The following ADAMTSL1 variants were observed in gnomAD, a reference collection of about 807,000 sequenced individuals.
The protein encoded by ADAMTSL1 is ADAMTS-like protein 1.
Under a neutral mutation model 201.8 loss-of-function variants are expected in ADAMTSL1, and 126 were observed. The observed-to-expected ratio is 0.62, with a 90% CI of 0.54 to 0.72. The LOEUF is 0.72. ADAMTSL1 is among the 30% of genes least tolerant of loss of function. ADAMTSL1 has a pLI of 0.00. For synonymous variants in ADAMTSL1, 1,121 were observed against 903.4 expected (o/e 1.24, Z -4.32); for missense variants, 2,679 against 2,277.8 (o/e 1.18, Z -3.59).
chr9:18,882,187 A>C (rs1828575288), intron 23 of ADAMTSL1, among the ~76,000 whole-genome samples: 1 of 152,218 alleles, frequency 6.6e-6, no homozygotes, highest in African/African-American at 2.4e-5. Context: ...GCAGTTGGGA[A>C]AATGAGGACT....
chr9:18,862,517 C>T (rs1348500722), intron 23 of ADAMTSL1, among the ~76,000 whole-genome samples: 2 of 152,160 alleles, frequency 1.3e-5, no homozygotes. Flanking sequence ...GATTATAGAG[C>T]GCTTCCTTGA....
chr9:18,251,379 G>A (rs1000745791), intron 2 of ADAMTSL1, among the ~76,000 whole-genome samples: 2 of 152,138 alleles, frequency 1.3e-5, no homozygotes, highest in Non-Finnish European at 2.9e-5. Flanking sequence ...CCTGAAAGAA[G>A]CATTTTGATG....
intron 1 of ADAMTSL1, among the ~76,000 whole-genome samples, chr9:17,917,860 G>A (rs1588412595): frequency 1.3e-5 from 2 of 151,850 alleles, no homozygotes; most frequent in Non-Finnish European, 1.5e-5. Flanking sequence ...ATAGATATGG[G>A]GCTATTAGGG....
chr9:17,979,868 T>C (rs2131460076), intron 1 of ADAMTSL1, among the ~76,000 whole-genome samples: 1 of 152,212 alleles, frequency 6.6e-6, no homozygotes, highest in South Asian at 2.1e-4. Context: ...AGTCCTTGGG[T>C]AGGCTAGACT....
chr9:18,548,168 T>C (rs1033947517), intron 3 of ADAMTSL1, among the ~76,000 whole-genome samples: 5 of 151,998 alleles, frequency 3.3e-5, no homozygotes, highest in African/African-American at 1.2e-4. Flanking sequence ...TATGGCACAT[T>C]TGTGGTCATT....
chr9:18,578,533 C>T (rs554910576), intron 4 of ADAMTSL1, among the ~76,000 whole-genome samples: 2 of 152,196 alleles, frequency 1.3e-5, no homozygotes, highest in African/African-American at 4.8e-5. Context: ...AGGTTGGAAT[C>T]TAAGCTCCAC....
At chr9:18,228,842 GTT>G (rs57580462) in intron 2 of ADAMTSL1, among the ~76,000 whole-genome samples, 42 of 139,956 alleles carry the variant, frequency 3.0e-4, no homozygotes, top group African/African-American at 8.1e-4. Flanking sequence ...GAGTTTTTTT[GTT>G]TTTTTTTTTT....
intron 23 of ADAMTSL1, among the ~76,000 whole-genome samples, chr9:18,864,871 G>C (rs563550100): frequency 1.3e-5 from 2 of 152,230 alleles, no homozygotes; most frequent in East Asian, 3.9e-4. Flanking sequence ...CAAATAATGA[G>C]GGGAACCCCC....
At chr9:18,128,605 C>T (rs1042713295) in intron 1 of ADAMTSL1, among the ~76,000 whole-genome samples, 12 of 152,160 alleles carry the variant, frequency 7.9e-5, no homozygotes, top group African/African-American at 2.9e-4. Flanking sequence ...GCCACAGTGC[C>T]TGGCCCGACA....
intron 4 of ADAMTSL1, among the ~76,000 whole-genome samples, chr9:18,580,399 T>A (rs1206273788): frequency 1.3e-5 from 2 of 152,216 alleles, no homozygotes; most frequent in Non-Finnish European, 2.9e-5. Context: ...TAGTATCAAA[T>A]GTCCACCAGT....
At chr9:18,616,689 G>A (rs1190782292) in intron 4 of ADAMTSL1, among the ~76,000 whole-genome samples, 7 of 152,104 alleles carry the variant, frequency 4.6e-5, no homozygotes, top group African/African-American at 7.2e-5. Flanking sequence ...ACCACATCTA[G>A]CAACTGTACA....
intron 1 of ADAMTSL1, among the ~76,000 whole-genome samples, chr9:17,965,557 A>G (rs1563922963): frequency 6.6e-6 from 1 of 152,204 alleles, no homozygotes; most frequent in African/African-American, 2.4e-5. Flanking sequence ...TTTATTCATT[A>G]GAGACAAACC....
At position 18,234,340 on chromosome 9, in the gene ADAMTSL1, T is replaced by C. The variant is rs1037219189; in HGVS notation, c.207+70359T>C. Among the ~76,000 whole-genome samples the C allele has an allele frequency of 2.0e-5, 3 of 152,052 alleles. No homozygotes were observed. In the South Asian group the frequency reaches 6.2e-4, roughly 32 times the overall value. ...TTGAAATATCTGGGAGAAATCCAGG[T>C]GGAGATGTCAGAGAGATAGTTGGAT... On this transcript the variant is annotated intron_variant, in intron 2 of 29. Coordinates refer to the ADAMTSL1 transcript ENST00000680146.
intron 2 of ADAMTSL1, among the ~76,000 whole-genome samples, chr9:18,419,068 C>T (rs915455164): frequency 3.3e-5 from 5 of 152,114 alleles, no homozygotes; most frequent in Admixed American, 2.0e-4. Flanking sequence ...GGCAAAGTTG[C>T]GTAGCAACTC....
At chr9:18,848,628 T>G (rs541708360) in intron 23 of ADAMTSL1, among the ~76,000 whole-genome samples, 1 of 152,168 alleles carries the variant, frequency 6.6e-6, no homozygotes, top group South Asian at 2.1e-4. Flanking sequence ...ATGCAGCCTC[T>G]TGGAGCACCC....
chr9:18,252,620 C>T (rs1240183936), intron 2 of ADAMTSL1, among the ~76,000 whole-genome samples: 2 of 152,018 alleles, frequency 1.3e-5, no homozygotes, highest in Admixed American at 1.3e-4. Flanking sequence ...AGTACAAATG[C>T]AATTTTTTTT....
chr9:17,913,820 T>TA (rs200132068), intron 1 of ADAMTSL1, among the ~76,000 whole-genome samples: 148,128 of 152,044 alleles, frequency 0.97, 72,271 homozygotes, highest in East Asian at 1. Context: ...ATAGACGCAA[T>TA]AAAAATGATA....
At chr9:18,904,326 G>A (rs577573149) in intron 26 of ADAMTSL1, among the ~76,000 whole-genome samples, 5 of 152,034 alleles carry the variant, frequency 3.3e-5, no homozygotes, top group Admixed American at 1.3e-4. Flanking sequence ...AAAATTAGCC[G>A]GGTGTGATGG....
At chr9:18,625,886 A>G (rs376712334) in intron 5 of ADAMTSL1, among the ~76,000 whole-genome samples, 1 of 152,220 alleles carries the variant, frequency 6.6e-6, no homozygotes, top group African/African-American at 2.4e-5. Context: ...TTAAGCTTTT[A>G]ATACTTAAAA....
Sources: gnomAD v4.1 joint callset for allele counts (sites outside exome capture counted in the v4.1 genomes callset) on GRCh38, gnomAD v4.1.1 for gene constraint, MANE v1.5 for transcripts, NCBI Gene and HGNC (gene_info 2026-07-23, HGNC 2026-07-21) for gene names.